TRPM2: variants seen among roughly 807,000 people sequenced by gnomAD.
TRPM2 encodes transient receptor potential cation channel subfamily M member 2, also known as estrogen-responsive element-associated gene 1 protein.
TRPM2 carries 161 observed loss-of-function variants against 174.0 expected under a neutral mutation model. The observed-to-expected ratio is 0.93, with a 90% CI of 0.81 to 1.05. The LOEUF (loss-of-function observed/expected upper bound fraction) is 1.05. TRPM2 is among the 50% of genes least tolerant of loss of function. The pLI, the probability that TRPM2 is intolerant of heterozygous loss-of-function variation, is 0.00. For synonymous variants in TRPM2, 954 were observed against 861.3 expected (o/e 1.11, Z -1.88); for missense variants, 2,057 against 2,038.0 (o/e 1.01, Z -0.18).
intron 16 of TRPM2, among the ~76,000 whole-genome samples, chr21:44,402,210 A>G (rs2049643298): frequency 2.6e-5 from 4 of 152,184 alleles, no homozygotes; most frequent in African/African-American, 4.8e-5. Context: ...TCCCCCAGGA[A>G]GAGCAGTGCA....
chr21:44,440,758 C>A (rs764784777), intron 30 of TRPM2, 31 bp from the exon 31 acceptor site: 18 of 1,598,294 alleles, frequency 1.1e-5, no homozygotes, highest in Admixed American at 3.3e-5. Flanking sequence ...GTGTCCCTCG[C>A]TGTCGGGCTT....
At chr21:44,384,320 T>C (rs1201611425) in intron 9 of TRPM2, among the ~76,000 whole-genome samples, 2 of 152,204 alleles carry the variant, frequency 1.3e-5, no homozygotes, top group Admixed American at 6.5e-5. Flanking sequence ...ACTTTATAAA[T>C]CAATCACTGA....
chr21:44,426,782 G>A (rs1310621296), intron 26 of TRPM2, 46 bp downstream of exon 26: 1 of 1,600,834 alleles, frequency 6.2e-7, no homozygotes, highest in Non-Finnish European at 8.5e-7. Flanking sequence ...CCCAAACCCA[G>A]GGCCTCCTAG....
chr21:44,418,529 G>C lies in TRPM2; in HGVS notation c.3435G>C (p.Glu1145Asp). 6.2e-7 allele frequency: 1 copy of C among 1,614,128 alleles called. No individual in the cohort carries two copies. Among genetic ancestry groups the C allele is most frequent in the Non-Finnish European group, 8.5e-7 (1 of 1,180,026 alleles). The change falls in exon 22 of 32, where the codon GAG becomes GAC. Residue 1145 changes from glutamate to aspartate, a missense_variant. Physicochemically the swap from Glu to Asp is conservative, Grantham distance 45. Transcript: ENST00000397928. ...NRQFQQKQRP[E>D]QKIEDISNKV... Reference sequence around the variant, plus strand: ...AGTTCCAGCAAAAGCAGCGGCCCGAGCAGAAGATCGAGGACATCAGCAATA... The same window carrying C: ...AGTTCCAGCAAAAGCAGCGGCCCGACCAGAAGATCGAGGACATCAGCAATA...
At chr21:44,365,608 G>A (rs928660649) in intron 3 of TRPM2, among the ~76,000 whole-genome samples, 17 of 152,186 alleles carry the variant, frequency 1.1e-4, no homozygotes, top group African/African-American at 1.2e-4. Flanking sequence ...CACCGTGGCC[G>A]TGGCAGTGGT....
chr21:44,382,729 C>T lies in TRPM2; in HGVS notation c.1227C>T (p.Ile409=), dbSNP rs748020968. The T allele has an allele frequency of 9.3e-6, 15 of 1,613,934 alleles. No homozygotes were observed. Among genetic ancestry groups the T allele is most frequent in the South Asian group, 3.3e-5 (3 of 91,026 alleles). Reference sequence around the variant, plus strand: ...AATGCTTGTTGCAGATCCAAGATATCGTCCGGAGGCGGCAGCTGCTGACTG... The same window carrying T: ...AATGCTTGTTGCAGATCCAAGATATTGTCCGGAGGCGGCAGCTGCTGACTG... ...IVEWTKKIQD[I]VRRRQLLTVF... Residue 409 remains isoleucine, a synonymous_variant, in exon 9 of 32, where the codon ATC becomes ATT. Coordinates refer to ENST00000397928, the MANE Select transcript of TRPM2 (RefSeq NM_003307.4).
chr21:44,425,477 G>A, intron 24 of TRPM2, 193 bp from the exon 25 acceptor site: 1 of 548,584 alleles, frequency 1.8e-6, no homozygotes, highest in Non-Finnish European at 3.0e-6. Context: ...CGCTGCCTGA[G>A]CTCCCGTGGC....
At chr21:44,424,317 C>G (rs1247994894) in intron 23 of TRPM2, among the ~76,000 whole-genome samples, 1 of 152,242 alleles carries the variant, frequency 6.6e-6, no homozygotes, top group Non-Finnish European at 1.5e-5. Flanking sequence ...GCCCGTTGCA[C>G]CCAGGGGTCT....
chr21:44,405,822 C>A, intron 17 of TRPM2, 83 bp from the exon 18 acceptor site: 1 of 1,532,240 alleles, frequency 6.5e-7, no homozygotes. Flanking sequence ...TGGGCTAGGA[C>A]AGGTGGAGGG....
At chr21:44,417,408 G>A (rs2050337906) in intron 20 of TRPM2, among the ~76,000 whole-genome samples, 2 of 97,220 alleles carry the variant, frequency 2.1e-5, no homozygotes, top group South Asian at 4.9e-4. Context: ...GCTCTCTGTG[G>A]CATCACAGTG....
At chr21:44,374,290 C>T (rs777657564) in intron 5 of TRPM2, among the ~76,000 whole-genome samples, 5 of 152,128 alleles carry the variant, frequency 3.3e-5, no homozygotes, top group Non-Finnish European at 7.4e-5. Context: ...GGATTCCAGG[C>T]GTGAGCCACC....
intron 19 of TRPM2, among the ~76,000 whole-genome samples, chr21:44,409,974 C>T (rs1365231545): frequency 6.6e-6 from 1 of 151,202 alleles, no homozygotes; most frequent in Non-Finnish European, 1.5e-5. Flanking sequence ...GTTTTGACCT[C>T]ACTCTCTTGG....
Position 44,369,174 on chromosome 21 carries a change from C to A in TRPM2, c.605-3C>A. 1 of 1,601,218 alleles carries A rather than the reference C, an allele frequency of 6.2e-7. No individual in the cohort carries two copies. The highest frequency in any genetic ancestry group is 1.7e-5 in the Admixed American group (1 of 58,732). On this transcript the variant is annotated splice_polypyrimidine_tract_variant and splice_region_variant and intron_variant, in intron 4 of 31. Coordinates refer to ENST00000397928, the MANE Select transcript of TRPM2 (RefSeq NM_003307.4). ...GGCCTGCCCACCCGTGCTCCTTCCC[C>A]AGGGGCCTGGATCATCACAGGGGGG...
At chr21:44,435,344 T>TCCCGCATCCCCCCAGTAGGC in intron 28 of TRPM2, 127 bp downstream of exon 28, 1 of 962,836 alleles carries the variant, frequency 1.0e-6, no homozygotes, top group Non-Finnish European at 1.6e-6. Flanking sequence ...ACTTGGTGCC[T>TCCCGCATCCCCCCAGTAGGC]ACTGGGGGGA....
intron 18 of TRPM2, 105 bp from the exon 19 acceptor site, chr21:44,406,489 G>A (rs918296519): frequency 6.4e-5 from 87 of 1,363,236 alleles, no homozygotes; most frequent in South Asian, 2.8e-4. Context: ...TGCCGTGTCT[G>A]TGCTGTGAGT....
intron 2 of TRPM2, among the ~76,000 whole-genome samples, chr21:44,357,272 C>T (rs1471046509): frequency 6.6e-6 from 1 of 152,200 alleles, no homozygotes; most frequent in African/African-American, 2.4e-5. Context: ...GTCGGCTCTG[C>T]GTGCTTCTCA....
Position 44,418,404 on chromosome 21 carries a change from T to C in TRPM2, c.3329-19T>C. The C allele has an allele frequency of 6.2e-7, 1 of 1,612,930 alleles. No homozygotes were observed. The highest frequency in any genetic ancestry group is 1.1e-5 in the South Asian group (1 of 91,056). On this transcript the variant is annotated intron_variant, in intron 21 of 31. Coordinates refer to ENST00000397928, the MANE Select transcript of TRPM2 (RefSeq NM_003307.4). ...CCTGAGGATTCCAGGTCCCCTGGTC[T>C]GTCCGCCCACCCTGACAGAGAACAA...
chr21:44,397,456 C>A, intron 12 of TRPM2, among the ~76,000 whole-genome samples: 1 of 152,336 alleles, frequency 6.6e-6, no homozygotes, highest in Non-Finnish European at 1.5e-5. Flanking sequence ...GCAGCTCACA[C>A]GGGTTCCGAT....
At chr21:44,364,344 G>T (rs756832999) in intron 3 of TRPM2, 62 bp downstream of exon 3, 12 of 1,572,580 alleles carry the variant, frequency 7.6e-6, no homozygotes, top group South Asian at 2.3e-5. Flanking sequence ...ACAGTGACAC[G>T]CGGTGGTCGG....
Sources: gnomAD v4.1 joint callset for allele counts (sites outside exome capture counted in the v4.1 genomes callset) on GRCh38, gnomAD v4.1.1 for gene constraint, MANE v1.5 for transcripts, NCBI Gene and HGNC (gene_info 2026-07-23, HGNC 2026-07-21) for gene names.